The following ARB2A variants were observed in gnomAD, a reference collection of about 807,000 sequenced individuals.
ARB2A encodes ARB2 cotranscriptional regulator A.
the ARB2A span, among the ~76,000 whole-genome samples, chr5:93,816,311 A>G: frequency 5.9e-5 from 9 of 152,328 alleles, no homozygotes; most frequent in East Asian, 1.7e-3. Flanking sequence ...ATTCCTTCTT[A>G]TAAAAGGCTT....
chr5:94,014,581 T>C, the ARB2A span, among the ~76,000 whole-genome samples: 2 of 152,066 alleles, frequency 1.3e-5, no homozygotes, highest in Non-Finnish European at 2.9e-5. Context: ...GAGATAGTAA[T>C]GTATGAGCTT....
the ARB2A span, among the ~76,000 whole-genome samples, chr5:93,772,373 G>A: frequency 1.3e-5 from 2 of 151,914 alleles, no homozygotes; most frequent in African/African-American, 2.4e-5. Context: ...GAGTTAATGG[G>A]TGCAGCACAC....
the ARB2A span, among the ~76,000 whole-genome samples, chr5:93,673,604 T>C: frequency 6.6e-6 from 1 of 152,300 alleles, no homozygotes; most frequent in African/African-American, 2.4e-5. Flanking sequence ...AGTTCACTTA[T>C]TTATGCATCA....
At chr5:93,838,358 G>A in the ARB2A span, among the ~76,000 whole-genome samples, 3 of 152,026 alleles carry the variant, frequency 2.0e-5, no homozygotes, top group Non-Finnish European at 4.4e-5. Flanking sequence ...ATTGGTATAT[G>A]TATCTGTTTT....
At chr5:94,037,133 G>T in the ARB2A span, among the ~76,000 whole-genome samples, 3 of 152,132 alleles carry the variant, frequency 2.0e-5, no homozygotes. Context: ...CAGTTGGTCT[G>T]TGGGTCTGTT....
the ARB2A span, among the ~76,000 whole-genome samples, chr5:93,869,564 T>G: frequency 6.6e-6 from 1 of 152,214 alleles, no homozygotes; most frequent in East Asian, 1.9e-4. Flanking sequence ...ATTGCATTAC[T>G]TCTTTTAATT....
At chr5:93,625,106 T>C in the ARB2A span, among the ~76,000 whole-genome samples, 1 of 152,206 alleles carries the variant, frequency 6.6e-6, no homozygotes, top group South Asian at 2.1e-4. Flanking sequence ...GTCAAATTCA[T>C]GATGATTCCA....
At chr5:93,825,251 T>C in the ARB2A span, among the ~76,000 whole-genome samples, 1 of 152,194 alleles carries the variant, frequency 6.6e-6, no homozygotes, top group South Asian at 2.1e-4. Context: ...GAGATGTCTA[T>C]ATGTCAGCTA....
At chr5:93,904,397 G>A in the ARB2A span, among the ~76,000 whole-genome samples, 7 of 151,690 alleles carry the variant, frequency 4.6e-5, no homozygotes, top group East Asian at 3.9e-4. Flanking sequence ...TCTTTATTAC[G>A]GAATATTTCA....
the ARB2A span, among the ~76,000 whole-genome samples, chr5:94,102,346 G>A: frequency 1.3e-5 from 2 of 152,062 alleles, no homozygotes; most frequent in Admixed American, 6.6e-5. Flanking sequence ...TGATCTGATA[G>A]AGATGAAAAA....
the ARB2A span, among the ~76,000 whole-genome samples, chr5:94,016,388 T>C: frequency 1.3e-5 from 2 of 152,246 alleles, no homozygotes; most frequent in Non-Finnish European, 2.9e-5. Flanking sequence ...TAGAGAAACA[T>C]GTTTGGGTTA....
chr5:93,961,713 C>A, the ARB2A span, among the ~76,000 whole-genome samples: 2 of 151,530 alleles, frequency 1.3e-5, no homozygotes, highest in Non-Finnish European at 2.9e-5. Context: ...AAGGGAATCA[C>A]ATTTTAAAAA....
the ARB2A span, among the ~76,000 whole-genome samples, chr5:93,661,139 C>A: frequency 1.3e-5 from 2 of 151,920 alleles, no homozygotes; most frequent in African/African-American, 4.8e-5. Flanking sequence ...TCACAGGCCT[C>A]GAGAGTTTGT....
the ARB2A span, chr5:93,805,285 CT>C: frequency 1.0e-6 from 1 of 985,098 alleles, no homozygotes; most frequent in Non-Finnish European, 1.2e-6. Flanking sequence ...AGCTTGAAAG[CT>C]TTTTGGCAAT....
chr5:94,003,343 G>T, the ARB2A span, among the ~76,000 whole-genome samples: 1 of 152,102 alleles, frequency 6.6e-6, no homozygotes, highest in Non-Finnish European at 1.5e-5. Context: ...AGTGGTAGAA[G>T]TTCTAGCCAG....
the ARB2A span, among the ~76,000 whole-genome samples, chr5:93,920,908 C>A: frequency 5.3e-5 from 8 of 152,014 alleles, no homozygotes; most frequent in Admixed American, 3.3e-4. Context: ...ATTGCATATC[C>A]CAGTAAAAAG....
At chr5:93,773,496 G>A in the ARB2A span, among the ~76,000 whole-genome samples, 3 of 152,184 alleles carry the variant, frequency 2.0e-5, no homozygotes, top group Admixed American at 6.5e-5. Context: ...GGACGCTAAT[G>A]GCCCAAACTC....
the ARB2A span, among the ~76,000 whole-genome samples, chr5:93,849,347 A>G: frequency 6.6e-6 from 1 of 152,136 alleles, no homozygotes; most frequent in Non-Finnish European, 1.5e-5. Flanking sequence ...TAAAAAGAAA[A>G]ATTTTCTACT....
chr5:94,053,330 TTA>T, the ARB2A span: 18 of 648,982 alleles, frequency 2.8e-5, no homozygotes, highest in Non-Finnish European at 7.6e-6. Context: ...CTATTAATTT[TTA>T]TGTGTTGCTT....
Sources: gnomAD v4.1 joint callset for allele counts (sites outside exome capture counted in the v4.1 genomes callset) on GRCh38, gnomAD v4.1.1 for gene constraint, MANE v1.5 for transcripts, NCBI Gene and HGNC (gene_info 2026-07-23, HGNC 2026-07-21) for gene names.